RFTN1: variants seen among roughly 807,000 people sequenced by gnomAD.
RFTN1 encodes the protein raftlin, lipid raft linker 1.
RFTN1 carries 26 observed loss-of-function variants against 46.5 expected under a neutral mutation model. That is an observed-to-expected ratio of 0.56 (90% CI 0.41 to 0.78). The LOEUF (loss-of-function observed/expected upper bound fraction) is 0.78. Ranked by LOEUF, RFTN1 falls within the 30% of genes least tolerant of loss-of-function variation. The pLI is 0.00. For synonymous variants in RFTN1, 261 were observed against 284.2 expected, an observed-to-expected ratio of 0.92 and a Z score of 0.82; for missense variants, 693 against 718.7, an observed-to-expected ratio of 0.96 and a Z score of 0.41.
intron 6 of RFTN1, among the ~76,000 whole-genome samples, chr3:16,359,476 A>G (rs972237215): frequency 1.3e-5 from 2 of 152,184 alleles, no homozygotes; most frequent in Non-Finnish European, 2.9e-5. Flanking sequence ...GCCTTAGTCT[A>G]ATAGGACTGG....
intron 7 of RFTN1, among the ~76,000 whole-genome samples, chr3:16,354,397 A>G (rs899222249): frequency 2.6e-5 from 4 of 152,238 alleles, no homozygotes; most frequent in Non-Finnish European, 4.4e-5. Flanking sequence ...GGAGATGTCA[A>G]TCTCAGAGGC....
At chr3:16,469,226 A>G (rs183365786) in intron 2 of RFTN1, among the ~76,000 whole-genome samples, 1 of 152,354 alleles carries the variant, frequency 6.6e-6, no homozygotes, top group Admixed American at 6.5e-5. Flanking sequence ...GTGCATAATC[A>G]TAGTATATAC....
Position 16,442,826 on chromosome 3 carries a change from C to T in RFTN1, c.146-8789G>A, listed in dbSNP as rs540776741. Reference sequence around the variant, plus strand: ...AAGATTGCACATATATGCAAGATTACGTAGTATTTTTCCTTCTGTGTCTGG... The same window carrying T: ...AAGATTGCACATATATGCAAGATTATGTAGTATTTTTCCTTCTGTGTCTGG... On this transcript the variant is annotated intron_variant, in intron 2 of 9. Coordinates refer to ENST00000334133, the MANE Select transcript of RFTN1 (RefSeq NM_015150.2). This position sits in a 1 kb window ranked among gnomAD's most constrained non-coding sequence, Gnocchi z 4.1. 5.9e-5 allele frequency among the ~76,000 whole-genome samples: 9 copies of T among 152,288 alleles called. No homozygotes were observed. The highest frequency in any genetic ancestry group is 4.1e-4 in the South Asian group (2 of 4,822).
intron 1 of RFTN1, among the ~76,000 whole-genome samples, chr3:16,495,553 C>T (rs185347095): frequency 6.6e-6 from 1 of 151,334 alleles, no homozygotes; most frequent in Non-Finnish European, 1.5e-5. Context: ...TGGCAGGGAC[C>T]TGGATTGGGT....
chr3:16,382,684 C>T lies in RFTN1; in HGVS notation c.442-4582G>A, dbSNP rs1295417984. 2.6e-5 allele frequency among the ~76,000 whole-genome samples: 4 copies of T among 152,204 alleles called. No homozygotes were observed. The highest frequency in any genetic ancestry group is 5.9e-5 in the Non-Finnish European group (4 of 68,034). On this transcript the variant is annotated intron_variant, in intron 4 of 9. Transcript: ENST00000334133. The surrounding 1 kb of genome is among the most constrained non-coding windows in gnomAD (Gnocchi z 4.7). Reference sequence around the variant, plus strand: ...TTGATCTGGTCTCACCAGCTGGAATCACAGTATCTTCTTCCCTGTTTCTAA... The same window carrying T: ...TTGATCTGGTCTCACCAGCTGGAATTACAGTATCTTCTTCCCTGTTTCTAA...
intron 2 of RFTN1, among the ~76,000 whole-genome samples, chr3:16,438,314 G>T (rs2075554101): frequency 6.6e-6 from 1 of 152,028 alleles, no homozygotes; most frequent in Non-Finnish European, 1.5e-5. Flanking sequence ...GCTGGGCATG[G>T]TGGCTCACGC....
At position 16,385,196 on chromosome 3, in the gene RFTN1, A is replaced by C. The variant is rs537746246; in HGVS notation, c.442-7094T>G. The stretch of plus-strand genomic sequence containing the variant: ...CAGTTACACATGAGTCTTTACAGTG[A>C]ATATTTTATCAGACACACACAACCC... On this transcript the variant is annotated intron_variant, in intron 4 of 9. Transcript: ENST00000334133. This position sits in a 1 kb window ranked among gnomAD's most constrained non-coding sequence, Gnocchi z 5.0. Among the ~76,000 whole-genome samples the C allele has an allele frequency of 6.6e-6, 1 of 152,248 alleles. No individual in the cohort carries two copies. The highest frequency in any genetic ancestry group is 1.9e-4 in the East Asian group (1 of 5,182).
intron 8 of RFTN1, among the ~76,000 whole-genome samples, chr3:16,324,427 G>A (rs917271971): frequency 3.3e-5 from 5 of 151,962 alleles, no homozygotes; most frequent in East Asian, 1.9e-4. Flanking sequence ...AACATCTCTC[G>A]TTTGCCCATC....
intron 8 of RFTN1, among the ~76,000 whole-genome samples, chr3:16,324,837 C>T (rs1326821727): frequency 2.0e-5 from 3 of 151,952 alleles, no homozygotes; most frequent in Non-Finnish European, 2.9e-5. Context: ...TGGATATATA[C>T]CTAGAAGTGG....
In RFTN1 at chr3:16,426,524, A is replaced by C. The variant is rs2075292977; in HGVS notation, c.332+7327T>G. ...AAAAAAGATAACATAATGCATTTGT[A>C]CTTCACTTATGGTCCGCAAAGATTT... is the stretch of plus-strand genomic sequence containing the variant. On this transcript the variant is annotated intron_variant, in intron 3 of 9. Transcript: ENST00000334133. The surrounding 1 kb of genome is among the most constrained non-coding windows in gnomAD (Gnocchi z 5.9). Among the ~76,000 whole-genome samples the C allele has an allele frequency of 1.3e-5, 2 of 152,220 alleles. No homozygotes were observed. The highest frequency in any genetic ancestry group is 1.3e-4 in the Admixed American group (2 of 15,284).
At chr3:16,464,275 C>G (rs954320342) in intron 2 of RFTN1, among the ~76,000 whole-genome samples, 3 of 152,108 alleles carry the variant, frequency 2.0e-5, no homozygotes, top group Non-Finnish European at 2.9e-5. Context: ...GCCCAGGTCC[C>G]CATTATTTTG....
chr3:16,496,503 G>A (rs562551673), intron 1 of RFTN1, among the ~76,000 whole-genome samples: 2 of 152,314 alleles, frequency 1.3e-5, no homozygotes, highest in Non-Finnish European at 2.9e-5. Context: ...TGACTCATCA[G>A]GGAAATGAAG....
intron 3 of RFTN1, among the ~76,000 whole-genome samples, chr3:16,411,199 G>A (rs1048617569): frequency 3.1e-4 from 47 of 152,286 alleles, no homozygotes; most frequent in African/African-American, 1.0e-3. Context: ...CATAAAGCAG[G>A]CACTTCCACA....
At chr3:16,415,384 G>C (rs1320520374) in intron 3 of RFTN1, among the ~76,000 whole-genome samples, 1 of 132,556 alleles carries the variant, frequency 7.5e-6, no homozygotes, top group African/African-American at 2.6e-5. Context: ...AGACATCCAA[G>C]TTGAGATGTC....
Position 16,387,330 on chromosome 3 carries a change from C to T in RFTN1, c.442-9228G>A, listed in dbSNP as rs1241801389. Among the ~76,000 whole-genome samples the T allele has an allele frequency of 6.6e-6, 1 of 152,212 alleles. No individual in the cohort carries two copies. Among genetic ancestry groups the T allele is most frequent in the Non-Finnish European group, 1.5e-5 (1 of 68,038 alleles). ...TCTTGTGCTTCCCCAGGGCTTTCTC[C>T]CCTCTGCTGGGTCCCACCCTCTCCC... On this transcript the variant is annotated intron_variant, in intron 4 of 9. Coordinates refer to ENST00000334133, the MANE Select transcript of RFTN1 (RefSeq NM_015150.2). The surrounding 1 kb of genome is among the most constrained non-coding windows in gnomAD (Gnocchi z 5.2).
intron 4 of RFTN1, 47 bp downstream of exon 4, chr3:16,409,328 G>C (rs750171468): frequency 7.8e-7 from 1 of 1,286,998 alleles, no homozygotes; most frequent in South Asian, 1.2e-5. Flanking sequence ...TTCACTCAGG[G>C]GAACACTCGC....
Position 16,317,375 on chromosome 3 carries a change from C to G in RFTN1, c.1333-143G>C, listed in dbSNP as rs140507714. On this transcript the variant is annotated intron_variant, in intron 9 of 9. Transcript: ENST00000334133. This position sits in a 1 kb window ranked among gnomAD's most constrained non-coding sequence, Gnocchi z 4.3. ...ATCCCCCAGCCAGGCAGTACAGGCA[C>G]CAAACTTGAATCGCACACTATCACA... 2.5e-6 allele frequency: 2 copies of G among 813,990 alleles called. No homozygotes were observed. The highest frequency in any genetic ancestry group is 5.4e-5 in the East Asian group (2 of 37,244). The allele number at this position is 813,990 out of a possible 1,614,324, so 50.4% of individuals were successfully genotyped here.
chr3:16,406,162 G>A (rs1386585820), intron 4 of RFTN1, among the ~76,000 whole-genome samples: 1 of 152,220 alleles, frequency 6.6e-6, no homozygotes, highest in Non-Finnish European at 1.5e-5. Flanking sequence ...GGGTGTTGGA[G>A]AGGTACGTGG....
chr3:16,491,554 T>A (rs925109786), intron 2 of RFTN1, among the ~76,000 whole-genome samples: 1 of 152,138 alleles, frequency 6.6e-6, no homozygotes, highest in African/African-American at 2.4e-5. Context: ...GACAGCACAA[T>A]GCACAAAAGC....
Sources: gnomAD v4.1 joint callset for allele counts (sites outside exome capture counted in the v4.1 genomes callset) on GRCh38, gnomAD v4.1.1 for gene constraint, Gnocchi (gnomAD v3.1) non-coding constraint, MANE v1.5 for transcripts, NCBI Gene and HGNC (gene_info 2026-07-23, HGNC 2026-07-21) for gene names.